Variants in SRGAP3 observed in about 807,000 individuals in gnomAD.
The protein encoded by SRGAP3 is SLIT-ROBO Rho GTPase activating protein 3.
A neutral mutation model predicts 121.1 loss-of-function variants in SRGAP3; 39 were observed. The ratio of observed to expected loss-of-function variants is 0.32; its 90% CI spans 0.25 to 0.42. SRGAP3 has a LOEUF of 0.42. Ranked by LOEUF, SRGAP3 falls within the 10% of genes least tolerant of loss-of-function variation. The pLI, the probability that SRGAP3 is intolerant of heterozygous loss-of-function variation, is 1.00. For missense variants in SRGAP3, 1,213 were observed against 1,470.6 expected (o/e 0.82, Z 2.86); for synonymous variants, 601 against 570.0 (o/e 1.05, Z -0.77).
At chr3:9,155,501 C>T (rs1357659747) in intron 1 of SRGAP3, among the ~76,000 whole-genome samples, 1 of 152,158 alleles carries the variant, frequency 6.6e-6, no homozygotes. Flanking sequence ...CCTCCATTCT[C>T]TTCTTCTGGA....
At chr3:9,132,022 C>T (rs1275203806) in intron 1 of SRGAP3, among the ~76,000 whole-genome samples, 1 of 152,174 alleles carries the variant, frequency 6.6e-6, no homozygotes, top group Admixed American at 6.5e-5. Context: ...ATTCCTCATA[C>T]TCCCCACTGC....
intron 1 of SRGAP3, among the ~76,000 whole-genome samples, chr3:9,170,421 A>G (rs992525181): frequency 1.3e-5 from 2 of 152,254 alleles, no homozygotes; most frequent in Middle Eastern, 3.4e-3. Flanking sequence ...GGGTGGGGGC[A>G]AGAGGGTTCC....
intron 9 of SRGAP3, chr3:9,049,358 T>C: frequency 6.6e-6 from 3 of 455,958 alleles, no homozygotes; most frequent in Non-Finnish European, 1.3e-5. Flanking sequence ...CTATTGGCCA[T>C]TAAGAGTCAC....
chr3:9,090,555 A>C (rs1947710884), intron 3 of SRGAP3, among the ~76,000 whole-genome samples: 1 of 152,202 alleles, frequency 6.6e-6, no homozygotes, highest in African/African-American at 2.4e-5. Context: ...TGCAGGGATC[A>C]TCATGCTTTT....
intron 5 of SRGAP3, among the ~76,000 whole-genome samples, chr3:9,063,559 G>A (rs114223447): frequency 0.013 from 1,912 of 151,424 alleles, 40 homozygotes; most frequent in African/African-American, 0.044. Context: ...GGCTGGTCTC[G>A]AACTCCTGGG....
At chr3:9,185,186 G>A (rs1308082784) in intron 1 of SRGAP3, among the ~76,000 whole-genome samples, 1 of 152,220 alleles carries the variant, frequency 6.6e-6, no homozygotes, top group Non-Finnish European at 1.5e-5. Flanking sequence ...GGCATTTGTG[G>A]TTTCACAATC....
chr3:9,234,727 G>T (rs1396661333), intron 1 of SRGAP3, among the ~76,000 whole-genome samples: 1 of 152,228 alleles, frequency 6.6e-6, no homozygotes, highest in East Asian at 1.9e-4. Context: ...GGCTACATCT[G>T]CCAGGAGCAG....
chr3:9,045,385 C>G (rs1002370695), intron 10 of SRGAP3, among the ~76,000 whole-genome samples: 6 of 151,852 alleles, frequency 4.0e-5, no homozygotes, highest in African/African-American at 1.5e-4. Context: ...TTTTTTATTG[C>G]TAATCAGCTC....
At chr3:9,348,513 G>C in intron 1 of SRGAP3, 1 of 748,536 alleles carries the variant, frequency 1.3e-6, no homozygotes, top group Non-Finnish European at 2.5e-6. Context: ...CGCTTCAGCA[G>C]CTGGTACAAC....
chr3:9,038,794 T>C (rs554532674), intron 10 of SRGAP3, among the ~76,000 whole-genome samples: 1 of 152,344 alleles, frequency 6.6e-6, no homozygotes, highest in Admixed American at 6.5e-5. Context: ...CTGGGGGCCT[T>C]AGTTTCTGCA....
intron 2 of SRGAP3, among the ~76,000 whole-genome samples, chr3:9,112,301 C>T (rs189140556): frequency 8.5e-4 from 130 of 152,332 alleles, no homozygotes; most frequent in Non-Finnish European, 1.4e-3. Flanking sequence ...CCGAGAAATG[C>T]TAACTCAATC....
chr3:9,342,857 C>A (rs1343696297), intron 1 of SRGAP3, among the ~76,000 whole-genome samples: 1 of 152,230 alleles, frequency 6.6e-6, no homozygotes, highest in Admixed American at 6.5e-5. Flanking sequence ...TTATTATTCT[C>A]ATTTCCTGTG....
At chr3:9,010,539 G>A (rs751364105) in intron 17 of SRGAP3, 152 bp from the exon 18 acceptor site, 29 of 815,732 alleles carry the variant, frequency 3.6e-5, no homozygotes, top group Admixed American at 8.1e-5. Context: ...TGACCACTCC[G>A]GGGACCTTCC....
At chr3:9,135,721 G>A (rs1346943679) in intron 1 of SRGAP3, among the ~76,000 whole-genome samples, 4 of 152,234 alleles carry the variant, frequency 2.6e-5, no homozygotes, top group Admixed American at 1.3e-4. Flanking sequence ...CCAGGCACCT[G>A]GTGGACCCTC....
intron 1 of SRGAP3, among the ~76,000 whole-genome samples, chr3:9,180,571 C>A (rs1951353710): frequency 6.6e-6 from 1 of 152,134 alleles, no homozygotes; most frequent in South Asian, 2.1e-4. Flanking sequence ...GCAAGTTTCA[C>A]CAAAGCAACT....
chr3:9,281,638 G>A (rs116518892), intron 3 of SRGAP3, among the ~76,000 whole-genome samples: 2,492 of 152,134 alleles, frequency 0.016, 34 homozygotes, highest in African/African-American at 0.044. Flanking sequence ...TGTAATTAGC[G>A]CACAATACGC....
At chr3:9,349,869 C>T (rs984931421) in intron 1 of SRGAP3, 2 of 152,150 alleles carry the variant, frequency 1.3e-5, no homozygotes, top group African/African-American at 4.8e-5. Flanking sequence ...AGAAGTACTT[C>T]CTGCTGTGTG....
chr3:9,361,763 G>C (rs1559293501), intron 1 of SRGAP3, among the ~76,000 whole-genome samples: 1 of 152,074 alleles, frequency 6.6e-6, no homozygotes, highest in South Asian at 2.1e-4. Context: ...AGTTTCAATA[G>C]AACAACCGAC....
Position 9,028,995 on chromosome 3 carries a change from C to A in SRGAP3, c.1540-2000G>T, listed in dbSNP as rs111287400. Among the ~76,000 whole-genome samples the A allele has an allele frequency of 1.5e-3, 224 of 152,256 alleles. 2 individuals are homozygous for A. The highest frequency in any genetic ancestry group is 5.0e-3 in the African/African-American group (209 of 41,550). ...AGCAGGTCCATCTCTGGGGTGAGCA[C>A]TTGTCCCATCCAGGCTCCTGGAGGA... On this transcript the variant is annotated intron_variant, in intron 12 of 21. Transcript: ENST00000383836.
Sources: gnomAD v4.1 joint callset for allele counts (sites outside exome capture counted in the v4.1 genomes callset) on GRCh38, gnomAD v4.1.1 for gene constraint, MANE v1.5 for transcripts, NCBI Gene and HGNC (gene_info 2026-07-23, HGNC 2026-07-21) for gene names.